MELK: variants seen among roughly 807,000 people sequenced by gnomAD.
MELK encodes the protein maternal embryonic leucine zipper kinase, also known as pEg3 kinase.
MELK carries 81 observed loss-of-function variants against 85.0 expected under a neutral mutation model. That is an observed-to-expected ratio of 0.95 (90% CI 0.80 to 1.15). MELK has a LOEUF of 1.15. Among genes scored for constraint, MELK ranks in the 50% most tolerant of loss-of-function variants. MELK has a pLI of 0.00. For synonymous variants in MELK, 252 were observed against 265.0 expected (o/e 0.95, Z 0.48); for missense variants, 754 against 777.5 (o/e 0.97, Z 0.36).
intron 11 of MELK, among the ~76,000 whole-genome samples, chr9:36,643,451 A>G (rs1029803361): frequency 6.6e-6 from 1 of 152,212 alleles, no homozygotes; most frequent in Admixed American, 6.5e-5. Flanking sequence ...ATTGTTCTTT[A>G]TTTTATCAGT....
chr9:36,600,882 C>A (rs1004514604), intron 7 of MELK, among the ~76,000 whole-genome samples: 33 of 152,122 alleles, frequency 2.2e-4, no homozygotes, highest in African/African-American at 7.2e-4. Flanking sequence ...TTTCCGGTGA[C>A]TTTTTATTTT....
chr9:36,665,484 G>A lies in MELK; in HGVS notation c.1311G>A (p.Glu437=), dbSNP rs755257829. The A allele has an allele frequency of 6.2e-7, 1 of 1,613,616 alleles. No homozygotes were observed. The highest frequency in any genetic ancestry group is 8.5e-7 in the Non-Finnish European group (1 of 1,179,704). Residue 437 remains glutamate (E), a synonymous_variant, in exon 14 of 18, where the codon GAG becomes GAA. Transcript: ENST00000298048. ...YTPKSAVKNE[E]YFMFPEPKTP... is the part of the protein sequence containing the mutation. The stretch of plus-strand genomic sequence containing the variant: ...CTAAGTCTGCTGTAAAGAATGAAGA[G>A]TACTTTATGTTTCCTGAGCCAAAGA...
At chr9:36,589,298 G>A (rs566673507) in intron 3 of MELK, among the ~76,000 whole-genome samples, 28 of 152,068 alleles carry the variant, frequency 1.8e-4, no homozygotes, top group Middle Eastern at 3.4e-3. Context: ...ACAGGCTCCT[G>A]CCACCACGCC....
intron 8 of MELK, among the ~76,000 whole-genome samples, chr9:36,627,106 T>G (rs961253319): frequency 7.1e-6 from 1 of 141,474 alleles, no homozygotes; most frequent in African/African-American, 2.9e-5. Flanking sequence ...TGTAAATGAA[T>G]GCGGCTAGAA....
At chr9:36,583,580 G>T in intron 2 of MELK, 47 bp from the exon 3 acceptor site, 1 of 1,288,286 alleles carries the variant, frequency 7.8e-7, no homozygotes, top group Non-Finnish European at 1.1e-6. Context: ...AAAGGTGTTT[G>T]TGCCTGAGTC....
intron 2 of MELK, 108 bp downstream of exon 2, chr9:36,581,847 C>T: frequency 1.3e-6 from 1 of 752,508 alleles, no homozygotes; most frequent in Non-Finnish European, 2.1e-6. Flanking sequence ...TTTTAAAATT[C>T]TTCTACCTAC....
At chr9:36,671,742 A>G (rs963925624) in intron 16 of MELK, among the ~76,000 whole-genome samples, 5 of 152,210 alleles carry the variant, frequency 3.3e-5, no homozygotes, top group African/African-American at 1.2e-4. Context: ...AGGAAAGGAA[A>G]AATAAGCTGT....
chr9:36,636,782 T>G (rs4996950), intron 10 of MELK, among the ~76,000 whole-genome samples: 10,342 of 107,946 alleles, frequency 0.096, 733 homozygotes, highest in African/African-American at 0.15. Context: ...CTTTCTTTCT[T>G]TCTGTCTGTC....
At position 36,669,407 on chromosome 9, in the gene MELK, G is replaced by T. The variant is rs767693004; in HGVS notation, c.1505+1G>T. On this transcript the variant is annotated splice_donor_variant, in intron 15 of 17. Transcript: ENST00000298048. LOFTEE classifies it high-confidence loss of function. ...CAGGTGTCATTAGCCCTGAGAGGCGGTAAGTGTTTGGTTTTTTTAGACTCT... is the reference window on the plus strand; with the variant it reads ...CAGGTGTCATTAGCCCTGAGAGGCGTTAAGTGTTTGGTTTTTTTAGACTCT... The T allele has an allele frequency of 6.3e-7, 1 of 1,586,734 alleles. No individual in the cohort carries two copies. Among genetic ancestry groups the T allele is most frequent in the Admixed American group, 1.8e-5 (1 of 54,606 alleles).
intron 8 of MELK, among the ~76,000 whole-genome samples, chr9:36,620,710 C>A (rs1187461647): frequency 5.3e-5 from 8 of 151,750 alleles, no homozygotes; most frequent in Non-Finnish European, 1.0e-4. Flanking sequence ...ACCACCACAC[C>A]CAGCTAATTT....
At chr9:36,650,238 C>T (rs538274482) in intron 11 of MELK, among the ~76,000 whole-genome samples, 13 of 147,164 alleles carry the variant, frequency 8.8e-5, no homozygotes, top group Admixed American at 2.8e-4. Flanking sequence ...CCACCGCACC[C>T]GGCCTCTATT....
At chr9:36,589,339 A>G (rs1475623094) in intron 3 of MELK, among the ~76,000 whole-genome samples, 197 bp from the exon 4 acceptor site, 1 of 152,016 alleles carries the variant, frequency 6.6e-6, no homozygotes, top group Non-Finnish European at 1.5e-5. Context: ...TTAGTGAGAC[A>G]GGGTTTCATC....
intron 6 of MELK, 93 bp downstream of exon 6, chr9:36,597,383 G>A (rs2135527550): frequency 1.7e-6 from 2 of 1,163,054 alleles, no homozygotes; most frequent in East Asian, 4.7e-5. Flanking sequence ...ATTCTTTATT[G>A]AGCTTGGTTG....
chr9:36,624,716 TA>T (rs67686846), intron 8 of MELK, among the ~76,000 whole-genome samples: 1,524 of 152,344 alleles, frequency 0.01, 14 homozygotes, highest in Non-Finnish European at 0.016. Context: ...TCTGAGTATT[TA>T]TTTTTACATT....
intron 8 of MELK, among the ~76,000 whole-genome samples, chr9:36,621,405 T>C (rs1827434789): frequency 7.1e-6 from 1 of 140,860 alleles, no homozygotes; most frequent in Non-Finnish European, 1.5e-5. Flanking sequence ...TAAGATTTTG[T>C]AGACTTACCC....
intron 7 of MELK, chr9:36,606,717 G>A (rs1163940999): frequency 2.0e-5 from 3 of 147,234 alleles, no homozygotes; most frequent in Non-Finnish European, 4.5e-5. Flanking sequence ...ATATGGACAT[G>A]CATGCATATA....
chr9:36,628,902 C>T (rs1406023981), intron 8 of MELK, among the ~76,000 whole-genome samples: 8 of 128,008 alleles, frequency 6.2e-5, no homozygotes, highest in Admixed American at 9.1e-5. Flanking sequence ...CTCGTTCTGT[C>T]GCCCAGGCTA....
intron 7 of MELK, among the ~76,000 whole-genome samples, chr9:36,600,553 T>G (rs1192759850): frequency 6.6e-6 from 1 of 152,080 alleles, no homozygotes; most frequent in East Asian, 1.9e-4. Context: ...CTGGCTACTT[T>G]TTTTTGTATT....
At chr9:36,649,228 T>G (rs1303864096) in intron 11 of MELK, among the ~76,000 whole-genome samples, 1 of 152,168 alleles carries the variant, frequency 6.6e-6, no homozygotes, top group African/African-American at 2.4e-5. Context: ...GGCTCACACC[T>G]GTAATCCCAG....
Sources: allele counts gnomAD v4.1 joint callset (sites outside exome capture counted in the v4.1 genomes callset), GRCh38; gene constraint gnomAD v4.1.1; transcripts MANE v1.5; gene names NCBI Gene and HGNC (gene_info 2026-07-23, HGNC 2026-07-21).